Variants in IQCE observed in about 807,000 individuals in gnomAD.
The protein encoded by IQCE is IQ motif containing E.
In IQCE, 115 loss-of-function variants were observed where a neutral mutation model predicts 96.0. That is an observed-to-expected ratio of 1.20 (90% CI 1.03 to 1.40). The LOEUF is 1.40. IQCE is among the 40% of genes most tolerant of loss of function. The pLI, the probability that IQCE is intolerant of heterozygous loss-of-function variation, is 0.00. For synonymous variants in IQCE, 412 were observed against 371.2 expected (o/e 1.11, Z -1.26); for missense variants, 1,041 against 909.1 (o/e 1.15, Z -1.87).
At chr7:2,586,818 A>G (rs1167958728) in intron 12 of IQCE, among the ~76,000 whole-genome samples, 1 of 152,158 alleles carries the variant, frequency 6.6e-6, no homozygotes, top group Non-Finnish European at 1.5e-5. Flanking sequence ...CAGGCGGGGC[A>G]GAGCTGAGTG....
Position 2,612,555 on chromosome 7 carries a change from C to A in IQCE, c.*2393C>A. The stretch of plus-strand genomic sequence containing the variant: ...TGGGAGGGGTGAGCTGTGGGCGGGG[C>A]CTAGTCATGGGAGGGGTGAGCTGTG... On this transcript the variant is annotated 3_prime_UTR_variant, in exon 22 of 22. Coordinates refer to ENST00000402050, the MANE Select transcript of IQCE (RefSeq NM_152558.5). 6.7e-6 allele frequency: 1 copy of A among 149,752 alleles called. No individual in the cohort carries two copies. The highest frequency in any genetic ancestry group is 2.5e-5 in the African/African-American group (1 of 40,294). The allele number at this position is 149,752 out of a possible 1,614,324, so 9.3% of individuals were successfully genotyped here. A position where few individuals can be genotyped will look rare whatever the true frequency, so the allele number is the denominator to read the frequency against.
intron 21 of IQCE, chr7:2,607,486 A>C: frequency 1.5e-6 from 2 of 1,293,754 alleles, no homozygotes; most frequent in South Asian, 4.9e-5. Flanking sequence ...CTCCAACAGG[A>C]CCGAGGTGGC....
At chr7:2,560,837 G>T (rs1780894931) in intron 1 of IQCE, among the ~76,000 whole-genome samples, 3 of 149,046 alleles carry the variant, frequency 2.0e-5, no homozygotes, top group South Asian at 2.1e-4. Context: ...GGCGCCTGTA[G>T]TCCCAGCTAC....
chr7:2,563,377 G>T (rs75068459), intron 1 of IQCE, among the ~76,000 whole-genome samples: 178 of 48,516 alleles, frequency 3.7e-3, no homozygotes, highest in East Asian at 0.01. Context: ...ATTTTTTGTT[G>T]TGTGTGTGTG....
rs758451596 is a variant in IQCE, at chr7:2,572,268, C to G, written c.336C>G (p.Asp112Glu). Reference sequence around the variant, plus strand: ...CTGGCGTCCCCGGCGGCACTCCTGACTGTCTGACAGACACCTTCAGAGTGA... The same window carrying G: ...CTGGCGTCCCCGGCGGCACTCCTGAGTGTCTGACAGACACCTTCAGAGTGA... ...AWTGVPGGTP[D>E]CLTDTFRVKR... Residue 112 changes from aspartate to glutamate, a missense_variant, in exon 5 of 22, where the codon GAC becomes GAG. Transcript: ENST00000402050. 3.2e-5 allele frequency: 51 copies of G among 1,614,110 alleles called. No homozygotes were observed. In the Admixed American group the frequency reaches 8.5e-4, roughly 27 times the overall value.
chr7:2,605,428 G>T (rs997580039), intron 19 of IQCE, among the ~76,000 whole-genome samples: 3 of 152,144 alleles, frequency 2.0e-5, no homozygotes, highest in African/African-American at 4.8e-5. Flanking sequence ...AGACCATCCT[G>T]GCTAACATGG....
At chr7:2,591,715 A>G (rs1783601494) in intron 14 of IQCE, among the ~76,000 whole-genome samples, 1 of 145,326 alleles carries the variant, frequency 6.9e-6, no homozygotes, top group African/African-American at 2.6e-5. Context: ...CTGCCTCCCC[A>G]GTTCAAGCAA....
At chr7:2,579,729 G>GTGTC (rs200858854) in intron 8 of IQCE, among the ~76,000 whole-genome samples, 19,933 of 147,788 alleles carry the variant, frequency 0.13, 1,596 homozygotes, top group South Asian at 0.22. Flanking sequence ...GTGTGTGTGT[G>GTGTC]TGTGTGTGTC....
chr7:2,589,926 G>T lies in IQCE; in HGVS notation c.1064G>T (p.Ser355Ile). Residue 355 changes from serine to isoleucine, a missense_variant, in exon 14 of 22, where the codon AGC becomes ATC. Ser to Ile is a moderately radical substitution (Grantham distance 142). Transcript: ENST00000402050. ...CTCCAGAAACTAAGTGTGATGGAGA[G>T]CTCAAAATCACACGCCGCAGAGCCA... Reference protein sequence around the residue: ...ELEKKLSVMESSKSHAAEPVR... With the variant: ...ELEKKLSVMEISKSHAAEPVR... The T allele has an allele frequency of 1.2e-6, 2 of 1,613,900 alleles. No homozygotes were observed. The highest frequency in any genetic ancestry group is 1.7e-6 in the Non-Finnish European group (2 of 1,180,024).
rs555001701 is a variant in IQCE at position 2,572,008 on chromosome 7, G to A, written c.260-184G>A. Among the ~76,000 whole-genome samples the A allele has an allele frequency of 3.9e-5, 6 of 152,274 alleles. No individual in the cohort carries two copies. In the South Asian group the frequency reaches 1.2e-3, roughly 32 times the overall value. ...TATACCGTGGAAATAGGCAAACATT[G>A]TAATCAGGACTGTATTAATTGATAT... On this transcript the variant is annotated intron_variant, in intron 4 of 21. Transcript: ENST00000402050.
In IQCE at chr7:2,571,662, G is replaced by A. The variant is rs1781765001; in HGVS notation, c.259+8G>A. ...TGGGAACCGCAAAGCCAGGTATGTG[G>A]TTGTCGCACTGGAGACCCTTCCTGC... On this transcript the variant is annotated splice_region_variant and intron_variant, in intron 4 of 21. Coordinates refer to ENST00000402050, the MANE Select transcript of IQCE (RefSeq NM_152558.5). The A allele has an allele frequency of 6.3e-7, 1 of 1,597,888 alleles. No homozygotes were observed. Among genetic ancestry groups the A allele is most frequent in the East Asian group, 2.2e-5 (1 of 44,870 alleles).
chr7:2,563,375 T>TTTTG (rs60896382), intron 1 of IQCE, among the ~76,000 whole-genome samples: 16,674 of 135,736 alleles, frequency 0.12, 1,163 homozygotes, highest in African/African-American at 0.19. Context: ...TAATTTTTTG[T>TTTTG]TGTGTGTGTG....
At chr7:2,605,379 T>C (rs1241620749) in intron 19 of IQCE, among the ~76,000 whole-genome samples, 2 of 152,096 alleles carry the variant, frequency 1.3e-5, no homozygotes, top group South Asian at 4.1e-4. Flanking sequence ...CCAGCACTTT[T>C]GGAGGCCGAG....
At chr7:2,589,587 G>T (rs1009355381) in intron 13 of IQCE, among the ~76,000 whole-genome samples, 4 of 152,110 alleles carry the variant, frequency 2.6e-5, no homozygotes, top group Non-Finnish European at 5.9e-5. Flanking sequence ...CAGTTCCAGG[G>T]GACAGGAGGG....
At chr7:2,592,226 G>A (rs547567474) in intron 14 of IQCE, among the ~76,000 whole-genome samples, 5 of 152,240 alleles carry the variant, frequency 3.3e-5, no homozygotes, top group Non-Finnish European at 7.3e-5. Context: ...GTGAGGTCTC[G>A]GAGTGCATTT....
intron 1 of IQCE, among the ~76,000 whole-genome samples, chr7:2,562,690 C>T (rs1781055345): frequency 6.6e-6 from 1 of 151,284 alleles, no homozygotes; most frequent in African/African-American, 2.4e-5. Flanking sequence ...TTTCAAAGAA[C>T]CAACTTTTGG....
At chr7:2,601,369 T>C in intron 17 of IQCE, 72 bp from the exon 18 acceptor site, 1 of 1,045,048 alleles carries the variant, frequency 9.6e-7, no homozygotes, top group Non-Finnish European at 1.5e-6. Flanking sequence ...GTTGGCAAGA[T>C]GAAGGAATCA....
rs1362982918 is a variant in IQCE, at chr7:2,611,562, T to C, written c.*1400T>C. ...TTCTCTGTGGCGGTCAGAAGGCCGA[T>C]GGCCCCAACACAGTGGCTTGTGAAA... is the stretch of plus-strand genomic sequence containing the variant. On this transcript the variant is annotated 3_prime_UTR_variant, in exon 22 of 22. Transcript: ENST00000402050. The C allele has an allele frequency of 1.3e-5, 2 of 152,286 alleles. No individual in the cohort carries two copies. The highest frequency in any genetic ancestry group is 6.5e-5 in the Admixed American group (1 of 15,288). 9.4% of individuals were successfully genotyped at this position (152,286 alleles called of 1,614,324 possible).
chr7:2,604,833 C>G, intron 18 of IQCE, 48 bp from the exon 19 acceptor site: 1 of 1,434,808 alleles, frequency 7.0e-7, no homozygotes, highest in Non-Finnish European at 9.8e-7. Flanking sequence ...CCGCCGTTGC[C>G]CCGGGCACTC....
Sources: allele counts gnomAD v4.1 joint callset (sites outside exome capture counted in the v4.1 genomes callset), GRCh38; gene constraint gnomAD v4.1.1; transcripts MANE v1.5; gene names NCBI Gene and HGNC (gene_info 2026-07-23, HGNC 2026-07-21).